IKZF2: variants seen among roughly 807,000 people sequenced by gnomAD.
The protein encoded by IKZF2 is IKAROS family zinc finger 2.
In IKZF2, 15 loss-of-function variants were observed where a neutral mutation model predicts 49.2. The observed-to-expected ratio is 0.30, with a 90% CI of 0.20 to 0.47. The LOEUF (loss-of-function observed/expected upper bound fraction) is 0.47. Ranked by LOEUF, IKZF2 falls within the 20% of genes least tolerant of loss-of-function variation. IKZF2 has a pLI of 1.00. For synonymous variants in IKZF2, 227 were observed against 221.4 expected, an observed-to-expected ratio of 1.03 and a Z score of -0.23; for missense variants, 567 against 664.6, an observed-to-expected ratio of 0.85 and a Z score of 1.61.
At chr2:213,083,551 C>CTTTTTTTTTTT (rs35297007) in intron 4 of IKZF2, among the ~76,000 whole-genome samples, 5 of 93,956 alleles carry the variant, frequency 5.3e-5, no homozygotes, top group Admixed American at 1.4e-4. Flanking sequence ...ACCAGGCTAA[C>CTTTTTTTTTTT]TTTTTTTTTT....
chr2:213,009,973 T>C (rs1408674256), intron 8 of IKZF2, among the ~76,000 whole-genome samples: 1 of 152,040 alleles, frequency 6.6e-6, no homozygotes, highest in Non-Finnish European at 1.5e-5. Flanking sequence ...TTAGATAATA[T>C]AAGGCTAAAT....
At chr2:213,021,730 A>C (rs2291241) in intron 7 of IKZF2, 11 of 521,272 alleles carry the variant, frequency 2.1e-5, no homozygotes, top group African/African-American at 5.7e-5. Flanking sequence ...TCTGGTTAGA[A>C]AAATGAAAAA....
chr2:213,150,091 G>C (rs1388772309), intron 2 of IKZF2, 53 bp downstream of exon 2: 2 of 1,072,184 alleles, frequency 1.9e-6, no homozygotes, highest in Non-Finnish European at 2.6e-6. Flanking sequence ...TTAACCCTCA[G>C]AGAAGGAAAG....
At chr2:213,125,122 C>T (rs541552017) in intron 4 of IKZF2, among the ~76,000 whole-genome samples, 1 of 152,198 alleles carries the variant, frequency 6.6e-6, no homozygotes, top group South Asian at 2.1e-4. Context: ...TGTGATTTAC[C>T]AAGATAACTA....
chr2:213,051,664 A>C (rs2125342222), intron 5 of IKZF2, among the ~76,000 whole-genome samples: 1 of 152,068 alleles, frequency 6.6e-6, no homozygotes, highest in South Asian at 2.1e-4. Context: ...TTTTAAATCA[A>C]GAATTTTCCA....
intron 7 of IKZF2, chr2:213,015,109 T>C (rs1450709093): frequency 6.6e-6 from 1 of 152,046 alleles, no homozygotes; most frequent in Non-Finnish European, 1.5e-5. Context: ...GAAAATTCAG[T>C]GCACAATTCA....
rs369227030 is a variant in IKZF2, at chr2:213,004,947, T to C, written c.*2413A>G. On this transcript the variant is annotated 3_prime_UTR_variant, in exon 9 of 9. Transcript: ENST00000434687. Reference sequence around the variant, plus strand: ...CATAAGGTTTAGGGTCCACCTAAATTTAGTTTCATCCTGGGGCAGGTAGAT... The same window carrying C: ...CATAAGGTTTAGGGTCCACCTAAATCTAGTTTCATCCTGGGGCAGGTAGAT... 4.6e-5 allele frequency: 7 copies of C among 152,314 alleles called. No individual in the cohort carries two copies. The East Asian group carries it at 5.8e-4, about 13-fold the overall frequency. 9.4% of individuals were successfully genotyped at this position (152,314 alleles called of 1,614,324 possible). A position where few individuals can be genotyped will look rare whatever the true frequency, so the allele number is the denominator to read the frequency against.
Position 213,070,564 on chromosome 2 carries a change from T to A in IKZF2, c.140-13465A>T, listed in dbSNP as rs76499095. ...AGAAAAACAAATAAGCAAATCAATT[T>A]ATCAAATACCAATTTATAGAGTACA... On this transcript the variant is annotated intron_variant, in intron 4 of 8. Coordinates refer to ENST00000434687, the MANE Select transcript of IKZF2 (RefSeq NM_001387220.1). Among the ~76,000 whole-genome samples the A allele has an allele frequency of 1.3e-3, 204 of 152,198 alleles. 2 individuals carry two copies. In the East Asian group the frequency reaches 0.037, roughly 28 times the overall value.
rs1275932122 is a variant in IKZF2, at chr2:213,126,269, C to A, written c.139+21439G>T. On this transcript the variant is annotated intron_variant, in intron 4 of 8. Transcript: ENST00000434687. ...TGGATGGTTTCAGGGTTGACATTTC[C>A]CCTACCACTTTTCCCATTTCTTCAC... Among the ~76,000 whole-genome samples the A allele has an allele frequency of 2.6e-5, 4 of 152,190 alleles. No individual in the cohort carries two copies. The East Asian group carries it at 7.7e-4, about 29-fold the overall frequency.
chr2:213,047,183 G>C, intron 6 of IKZF2, among the ~76,000 whole-genome samples: 1 of 152,062 alleles, frequency 6.6e-6, no homozygotes, highest in East Asian at 1.9e-4. Context: ...AATTACCCTT[G>C]TATTCCTTGC....
Position 213,004,814 on chromosome 2 carries a change from T to C in IKZF2, c.*2546A>G, listed in dbSNP as rs2124973052. On this transcript the variant is annotated 3_prime_UTR_variant, in exon 9 of 9. Transcript: ENST00000434687. Reference sequence around the variant, plus strand: ...TCTGTTCCTCATGAAGCTAGGAAGATACAAGTATATGCTTGTAGCAAATGC... The same window carrying C: ...TCTGTTCCTCATGAAGCTAGGAAGACACAAGTATATGCTTGTAGCAAATGC... 1 of 152,454 alleles carries C rather than the reference T, an allele frequency of 6.6e-6. No individual in the cohort carries two copies. The highest frequency in any genetic ancestry group is 1.9e-4 in the East Asian group (1 of 5,156). 9.4% of individuals were successfully genotyped at this position (152,454 alleles called of 1,614,324 possible). A position where few individuals can be genotyped will look rare whatever the true frequency, so the allele number is the denominator to read the frequency against.
intron 4 of IKZF2, among the ~76,000 whole-genome samples, chr2:213,130,679 A>G (rs2060446127): frequency 6.6e-6 from 1 of 152,218 alleles, no homozygotes; most frequent in Non-Finnish European, 1.5e-5. Context: ...TTATCATTAA[A>G]TTGCTACTAA....
At position 213,124,250 on chromosome 2, in the gene IKZF2, GCGCACA is replaced by G. The variant is rs1304924225; in HGVS notation, c.139+23452_139+23457del. ...CACGCACACATGCGCTCGCGCGCGC[GCGCACA>G]CACACACACACACACACACACACAC... On this transcript the variant is annotated intron_variant, in intron 4 of 8. Transcript: ENST00000434687. Among the ~76,000 whole-genome samples, 671 of 93,500 alleles carry G rather than the reference GCGCACA, an allele frequency of 7.2e-3. 5 individuals are homozygous for G. Among genetic ancestry groups the G allele is most frequent in the African/African-American group, 0.033 (572 of 17,142 alleles). The allele number at this position is 93,500 out of a possible 152,430, so 61.3% of individuals were successfully genotyped here.
intron 6 of IKZF2, among the ~76,000 whole-genome samples, chr2:213,030,165 G>C (rs1407161214): frequency 6.6e-6 from 1 of 151,738 alleles, no homozygotes; most frequent in African/African-American, 2.4e-5. Context: ...ATTTTCTTGT[G>C]GTCAAAATTG....
chr2:213,048,015 A>G (rs755376674), intron 6 of IKZF2, among the ~76,000 whole-genome samples: 6 of 151,940 alleles, frequency 3.9e-5, no homozygotes, highest in Non-Finnish European at 8.8e-5. Flanking sequence ...AACTGTAGCA[A>G]CTCTGTTTTA....
Position 213,007,108 on chromosome 2 carries a change from TAA to T in IKZF2, c.*250_*251del, listed in dbSNP as rs1304488055. The stretch of plus-strand genomic sequence containing the variant: ...TGCCTTGGTAGAAATGGACTGCTCT[TAA>T]ATTCCCACAAAATAAACAAGCCAGG... On this transcript the variant is annotated 3_prime_UTR_variant, in exon 9 of 9. Coordinates refer to ENST00000434687, the MANE Select transcript of IKZF2 (RefSeq NM_001387220.1). 1 of 389,804 alleles carries T rather than the reference TAA, an allele frequency of 2.6e-6. No homozygotes were observed. Among genetic ancestry groups the T allele is most frequent in the Admixed American group, 4.1e-5 (1 of 24,372 alleles). 24.1% of individuals were successfully genotyped at this position (389,804 alleles called of 1,614,324 possible). A position where few individuals can be genotyped will look rare whatever the true frequency, so the allele number is the denominator to read the frequency against.
intron 6 of IKZF2, among the ~76,000 whole-genome samples, chr2:213,043,332 A>G (rs1235049844): frequency 6.6e-6 from 1 of 152,196 alleles, no homozygotes; most frequent in East Asian, 1.9e-4. Flanking sequence ...GTTGTTACCA[A>G]CCTACTAAAT....
intron 6 of IKZF2, among the ~76,000 whole-genome samples, chr2:213,025,662 T>C (rs1354486419): frequency 1.3e-5 from 2 of 152,138 alleles, no homozygotes; most frequent in African/African-American, 4.8e-5. Context: ...TACTTGCAAC[T>C]GCCTTTTGAG....
At chr2:213,079,068 G>C (rs1289955047) in intron 4 of IKZF2, among the ~76,000 whole-genome samples, 1 of 152,094 alleles carries the variant, frequency 6.6e-6, no homozygotes, top group Non-Finnish European at 1.5e-5. Context: ...TTTGTTGAGG[G>C]AGAAGGGGGA....
Sources: allele counts gnomAD v4.1 joint callset (sites outside exome capture counted in the v4.1 genomes callset), GRCh38; gene constraint gnomAD v4.1.1; transcripts MANE v1.5; gene names NCBI Gene and HGNC (gene_info 2026-07-23, HGNC 2026-07-21).